TAF3: variants seen among roughly 807,000 people sequenced by gnomAD.
TAF3 encodes transcription initiation factor TFIID subunit 3.
TAF3 carries 7 observed loss-of-function variants against 80.6 expected under a neutral mutation model. The ratio of observed to expected loss-of-function variants is 0.09; its 90% CI spans 0.05 to 0.16. The LOEUF (loss-of-function observed/expected upper bound fraction) is 0.16, where lower values mean the gene tolerates loss of function less well. TAF3 is among the 10% of genes least tolerant of loss of function. TAF3 has a pLI of 1.00. For missense variants in TAF3, 921 were observed against 1,140.2 expected, an observed-to-expected ratio of 0.81 and a Z score of 2.77; for synonymous variants, 444 against 446.1, an observed-to-expected ratio of 1.00 and a Z score of 0.06.
intron 4 of TAF3, among the ~76,000 whole-genome samples, chr10:7,982,523 C>G (rs1831735144): frequency 6.6e-6 from 1 of 152,112 alleles, no homozygotes; most frequent in South Asian, 2.1e-4. Context: ...CTAAGCCTCC[C>G]AGGTAGCTAG....
chr10:8,007,841 G>C (rs1199739759), intron 4 of TAF3, among the ~76,000 whole-genome samples: 1 of 151,634 alleles, frequency 6.6e-6, no homozygotes, highest in Non-Finnish European at 1.5e-5. Context: ...TCAATAAATA[G>C]TGCTTTTTAT....
chr10:7,950,107 G>A (rs1268040267), intron 2 of TAF3, among the ~76,000 whole-genome samples: 1 of 152,220 alleles, frequency 6.6e-6, no homozygotes, highest in African/African-American at 2.4e-5. Flanking sequence ...GAAGGCAGAT[G>A]TGGTTCCCGT....
intron 4 of TAF3, among the ~76,000 whole-genome samples, chr10:7,995,322 T>C (rs1314691203): frequency 6.6e-6 from 1 of 152,226 alleles, no homozygotes; most frequent in Non-Finnish European, 1.5e-5. Flanking sequence ...ACTTTCTGAA[T>C]ATGTGGACCA....
intron 1 of TAF3, among the ~76,000 whole-genome samples, chr10:7,820,362 A>G (rs1836678926): frequency 6.6e-6 from 1 of 152,224 alleles, no homozygotes; most frequent in East Asian, 1.9e-4. Context: ...CCATTATATA[A>G]TAGGCACCTG....
chr10:7,973,111 G>A (rs771401735), intron 3 of TAF3, among the ~76,000 whole-genome samples: 11 of 152,134 alleles, frequency 7.2e-5, no homozygotes, highest in Admixed American at 2.0e-4. Flanking sequence ...GCTCTTACAT[G>A]GGAATAACAC....
At chr10:7,824,232 A>G (rs1477745879) in intron 1 of TAF3, 86 bp from the exon 2 acceptor site, 4 of 1,448,376 alleles carry the variant, frequency 2.8e-6, no homozygotes, top group African/African-American at 2.9e-5. Flanking sequence ...TGAGCTGCAT[A>G]TTTACTTACT....
At chr10:7,919,365 G>T (rs1837741769) in intron 2 of TAF3, among the ~76,000 whole-genome samples, 1 of 152,224 alleles carries the variant, frequency 6.6e-6, no homozygotes, top group South Asian at 2.1e-4. Flanking sequence ...GTCCTACCAA[G>T]TCCTTGCTGA....
At chr10:7,989,554 A>G (rs1188130071) in intron 4 of TAF3, among the ~76,000 whole-genome samples, 1 of 152,252 alleles carries the variant, frequency 6.6e-6, no homozygotes, top group Non-Finnish European at 1.5e-5. Flanking sequence ...GCGTAGTCAA[A>G]TGTAATATTG....
intron 2 of TAF3, among the ~76,000 whole-genome samples, chr10:7,875,198 G>A (rs1303188096): frequency 1.3e-5 from 2 of 151,772 alleles, no homozygotes; most frequent in South Asian, 2.1e-4. Context: ...GTTCCTCCTC[G>A]ATATTTTTTT....
At chr10:7,986,015 C>T (rs1197988196) in intron 4 of TAF3, among the ~76,000 whole-genome samples, 2 of 152,032 alleles carry the variant, frequency 1.3e-5, no homozygotes, top group African/African-American at 4.8e-5. Context: ...AACTCCTGAC[C>T]TCATGTGATC....
chr10:8,015,865 A>T lies in TAF3; in HGVS notation c.*1114A>T, dbSNP rs1564384726. On this transcript the variant is annotated 3_prime_UTR_variant, in exon 7 of 7. Transcript: ENST00000344293. ...GTAGTTTCCATGAAAGTAAAAAAAA[A>T]AAACAACAAAAAACCCACATATACT... 1 of 151,732 alleles carries T rather than the reference A, an allele frequency of 6.6e-6. No homozygotes were observed. Among genetic ancestry groups the T allele is most frequent in the Non-Finnish European group, 1.5e-5 (1 of 67,946 alleles). The allele number at this position is 151,732 out of a possible 1,614,324, so 9.4% of individuals were successfully genotyped here.
At chr10:7,845,313 T>C (rs995742097) in intron 2 of TAF3, among the ~76,000 whole-genome samples, 2 of 151,600 alleles carry the variant, frequency 1.3e-5, no homozygotes, top group Non-Finnish European at 2.9e-5. Context: ...TCTTTGTGTG[T>C]GTGCGTGTGT....
chr10:8,005,985 GT>G (rs1446599847), intron 4 of TAF3, among the ~76,000 whole-genome samples: 1 of 152,088 alleles, frequency 6.6e-6, no homozygotes, highest in Non-Finnish European at 1.5e-5. Context: ...CTGTGCCTTG[GT>G]TTCTTCGTTT....
chr10:7,867,851 T>G (rs1014305908), intron 2 of TAF3, among the ~76,000 whole-genome samples: 3 of 152,246 alleles, frequency 2.0e-5, no homozygotes, highest in African/African-American at 7.2e-5. Context: ...AATAGCTTAC[T>G]GTTGACTGTA....
Position 7,956,670 on chromosome 10 carries a change from A to G in TAF3, c.410-7250A>G, listed in dbSNP as rs140192615. ...AGTGAATCTCTAGCTGTGGTGATGA[A>G]TTTGTGCTGAGTCATTCATGATTTC... is the stretch of plus-strand genomic sequence containing the variant. On this transcript the variant is annotated intron_variant, in intron 2 of 6. Coordinates refer to ENST00000344293, the MANE Select transcript of TAF3 (RefSeq NM_031923.4). 3.3e-5 allele frequency among the ~76,000 whole-genome samples: 5 copies of G among 152,270 alleles called. No individual in the cohort carries two copies. In the East Asian group the frequency reaches 9.6e-4, roughly 29 times the overall value.
In TAF3 at chr10:8,009,170, C is replaced by T; in HGVS notation, c.2408C>T (p.Pro803Leu). 1 of 1,536,458 alleles carries T rather than the reference C, an allele frequency of 6.5e-7. No homozygotes were observed. The highest frequency in any genetic ancestry group is 8.8e-7 in the Non-Finnish European group (1 of 1,140,956). Residue 803 changes from proline (P) to leucine (L), a missense_variant, in exon 5 of 7, where the codon CCC becomes CTC. By Grantham distance (98) the Pro-to-Leu change is moderately conservative (BLOSUM62 -3). Around this residue, in one of 6 missense-constraint regions of TAF3, gnomAD observed 743 missense variants for 821.0 expected, o/e 0.90. Transcript: ENST00000344293. This position sits in a 1 kb window ranked among gnomAD's most constrained non-coding sequence, Gnocchi z 4.1. The stretch of plus-strand genomic sequence containing the variant: ...CCACCGCCGGCCCCCGCGCCCGCCC[C>T]CGGCCCCATGCTCGTCAGCCCTGCG... ...KTPPPAPAPA[P>L]GPMLVSPAPV...
chr10:8,013,947 C>A, intron 6 of TAF3, 110 bp downstream of exon 6: 1 of 884,362 alleles, frequency 1.1e-6, no homozygotes, highest in Non-Finnish European at 1.8e-6. Context: ...CCAGGGCTGT[C>A]CTAGGGACAG....
intron 2 of TAF3, among the ~76,000 whole-genome samples, chr10:7,935,162 A>G (rs1016654763): frequency 2.6e-5 from 4 of 152,160 alleles, no homozygotes; most frequent in African/African-American, 9.7e-5. Flanking sequence ...CTGTAATCCC[A>G]GCTACTCAGG....
At chr10:7,866,580 T>C (rs1014099446) in intron 2 of TAF3, among the ~76,000 whole-genome samples, 15 of 152,348 alleles carry the variant, frequency 9.8e-5, no homozygotes, top group South Asian at 2.1e-4. Context: ...TAGAATCTAC[T>C]GAGGGAGCGT....
Sources: gnomAD v4.1 joint callset for allele counts (sites outside exome capture counted in the v4.1 genomes callset) on GRCh38, gnomAD v4.1.1 for gene constraint, gnomAD v4.1.1 regional missense constraint, Gnocchi (gnomAD v3.1) non-coding constraint, MANE v1.5 for transcripts, NCBI Gene and HGNC (gene_info 2026-07-23, HGNC 2026-07-21) for gene names.